The following TRHDE variants were observed in gnomAD, a reference collection of about 807,000 sequenced individuals.
The protein encoded by TRHDE is thyrotropin releasing hormone degrading enzyme.
A neutral mutation model predicts 125.7 loss-of-function variants in TRHDE; 72 were observed. That is an observed-to-expected ratio of 0.57 (90% confidence interval 0.47 to 0.70). The LOEUF is 0.70. TRHDE is among the 30% of genes least tolerant of loss of function. The probability of loss-of-function intolerance (pLI) is 0.00; values close to 1 mark genes in which losing one functional copy is unlikely to be tolerated. For missense variants in TRHDE, 1,110 were observed against 1,327.1 expected (o/e 0.84, Z 2.54); for synonymous variants, 509 against 509.1 (o/e 1.00, Z 0.00).
At chr12:72,103,432 T>G (rs1875112776) in intron 1 of TRHDE, among the ~76,000 whole-genome samples, 2 of 152,150 alleles carry the variant, frequency 1.3e-5, no homozygotes, top group South Asian at 4.1e-4. Flanking sequence ...GAGACCAGTA[T>G]GGCATAAGGG....
rs1356186282 is a variant in TRHDE at position 72,500,484 on chromosome 12, C to T, written c.1722+849C>T. Among the ~76,000 whole-genome samples the T allele has an allele frequency of 6.6e-5, 10 of 152,152 alleles. 1 individual carries two copies. The South Asian group carries it at 1.7e-3, about 25-fold the overall frequency. ...TTGGCTCACTGCAACCTTCACCTCC[C>T]GGGTTCAAGTGATTCTCCTGCCTTA... On this transcript the variant is annotated intron_variant, in intron 6 of 18. Coordinates refer to ENST00000261180, the MANE Select transcript of TRHDE (RefSeq NM_013381.3).
chr12:72,353,714 A>T (rs909836230), intron 2 of TRHDE, among the ~76,000 whole-genome samples: 1 of 151,672 alleles, frequency 6.6e-6, no homozygotes, highest in Non-Finnish European at 1.5e-5. Flanking sequence ...AGAAAAATAT[A>T]TATTAAAATA....
At chr12:72,528,695 T>C (rs879657366) in intron 6 of TRHDE, among the ~76,000 whole-genome samples, 4 of 151,856 alleles carry the variant, frequency 2.6e-5, no homozygotes, top group Non-Finnish European at 5.9e-5. Context: ...CACCATGTTG[T>C]TCAGGCTGGT....
intron 3 of TRHDE, among the ~76,000 whole-genome samples, chr12:72,396,761 A>G (rs2135797542): frequency 6.6e-6 from 1 of 152,152 alleles, no homozygotes; most frequent in East Asian, 1.9e-4. Flanking sequence ...CAAACAAACA[A>G]ACAAAAAACA....
chr12:72,509,978 T>C (rs1167256020), intron 6 of TRHDE, among the ~76,000 whole-genome samples: 1 of 152,168 alleles, frequency 6.6e-6, no homozygotes, highest in African/African-American at 2.4e-5. Context: ...CCATATGAAT[T>C]CCAGAGGGGA....
chr12:72,272,037 A>G (rs1274344277), upstream of TRHDE: 1 of 456,936 alleles, frequency 2.2e-6, no homozygotes, highest in Non-Finnish European at 4.4e-6. The surrounding 1 kb of genome is among the most constrained non-coding windows in gnomAD (Gnocchi z 6.7). Context: ...GGTTCACTCT[A>G]GTCTCTCCCA....
chr12:72,231,437 A>G (rs540179650), intron 2 of TRHDE, among the ~76,000 whole-genome samples: 1 of 152,244 alleles, frequency 6.6e-6, no homozygotes, highest in South Asian at 2.1e-4. Flanking sequence ...GCTTGATAAG[A>G]GTTCTGTTGT....
intron 2 of TRHDE, among the ~76,000 whole-genome samples, chr12:72,312,140 C>T (rs1273954537): frequency 6.6e-6 from 1 of 152,170 alleles, no homozygotes; most frequent in East Asian, 1.9e-4. Flanking sequence ...AGGAGCTTGT[C>T]CAGGGTCACA....
intron 2 of TRHDE, among the ~76,000 whole-genome samples, chr12:72,148,098 T>C (rs79541891): frequency 0.03 from 4,588 of 152,306 alleles, 121 homozygotes; most frequent in African/African-American, 0.068. Flanking sequence ...ATATTTGTAT[T>C]TTAGATGTGA....
chr12:72,607,282 G>A (rs1872484970), intron 12 of TRHDE, among the ~76,000 whole-genome samples: 1 of 152,128 alleles, frequency 6.6e-6, no homozygotes, highest in South Asian at 2.1e-4. Flanking sequence ...TCCAGTACAG[G>A]TTTAAATTTT....
chr12:72,097,692 C>T (rs1423994532), intron 1 of TRHDE, among the ~76,000 whole-genome samples: 6 of 152,070 alleles, frequency 3.9e-5, no homozygotes, highest in Non-Finnish European at 7.4e-5. Context: ...CTCAAGCAAT[C>T]CTCCTGCTGC....
At chr12:72,401,855 A>G (rs1873055901) in intron 3 of TRHDE, among the ~76,000 whole-genome samples, 1 of 152,148 alleles carries the variant, frequency 6.6e-6, no homozygotes, top group African/African-American at 2.4e-5. Flanking sequence ...ATTGCCTGGG[A>G]TGAGTAACAT....
rs184587946 is a variant in TRHDE at position 72,205,406 on chromosome 12, T to A, written n.279+99654T>A. The stretch of plus-strand genomic sequence containing the variant: ...CATAAACTTATTCTTTTAAAGTTTT[T>A]AAGTGTATAATATTGTTAACTATAT... On this transcript the variant is annotated intron_variant and non_coding_transcript_variant, in intron 2 of 4. Transcript: ENST00000548156. 1.5e-3 allele frequency among the ~76,000 whole-genome samples: 233 copies of A among 152,292 alleles called. 1 individual carries two copies. The highest frequency in any genetic ancestry group is 5.5e-3 in the African/African-American group (227 of 41,558).
chr12:72,476,904 C>T (rs1876923020), intron 5 of TRHDE, among the ~76,000 whole-genome samples: 1 of 152,112 alleles, frequency 6.6e-6, no homozygotes, highest in African/African-American at 2.4e-5. Context: ...AGGAATACTA[C>T]ATATGATAAA....
intron 2 of TRHDE, among the ~76,000 whole-genome samples, chr12:72,375,575 G>T (rs527668808): frequency 6.6e-6 from 1 of 152,236 alleles, no homozygotes; most frequent in African/African-American, 2.4e-5. Context: ...TATCATTTTA[G>T]AGTAGTTCCG....
Position 72,665,687 on chromosome 12 carries a change from A to C in TRHDE, c.*2492A>C, listed in dbSNP as rs931006224. ...TTTGTCGGCTTTACAAATTATATGT[A>C]TGCATGAAATAACTAACTGTTGAAA... On this transcript the variant is annotated 3_prime_UTR_variant, in exon 19 of 19. Coordinates refer to ENST00000261180, the MANE Select transcript of TRHDE (RefSeq NM_013381.3). The C allele has an allele frequency of 1.1e-4, 16 of 152,032 alleles. No homozygotes were observed. The highest frequency in any genetic ancestry group is 2.7e-4 in the African/African-American group (11 of 41,434). 9.4% of individuals were successfully genotyped at this position (152,032 alleles called of 1,614,324 possible).
intron 14 of TRHDE, 142 bp downstream of exon 14, chr12:72,621,347 G>T (rs1339715361): frequency 3.1e-6 from 2 of 637,970 alleles, no homozygotes; most frequent in Non-Finnish European, 5.5e-6. Flanking sequence ...GAGGACTGCT[G>T]CTGGGTAGCA....
intron 10 of TRHDE, among the ~76,000 whole-genome samples, chr12:72,571,974 AACAC>A (rs59206098): frequency 0.014 from 1,826 of 127,480 alleles, 27 homozygotes; most frequent in African/African-American, 0.038. Flanking sequence ...TGACTCTGCA[AACAC>A]ACACACACAC....
At chr12:72,265,632 T>TCAGAATACA (rs774598765) in intron 2 of TRHDE, among the ~76,000 whole-genome samples, 33 of 151,158 alleles carry the variant, frequency 2.2e-4, no homozygotes, top group East Asian at 9.7e-4. Flanking sequence ...AAGAAAAAAA[T>TCAGAATACA]CAGAATACAT....
Sources: gnomAD v4.1 joint callset for allele counts (sites outside exome capture counted in the v4.1 genomes callset) on GRCh38, gnomAD v4.1.1 for gene constraint, Gnocchi (gnomAD v3.1) non-coding constraint, MANE v1.5 for transcripts, NCBI Gene and HGNC (gene_info 2026-07-23, HGNC 2026-07-21) for gene names.